Variants in PDE7B observed in about 807,000 individuals in gnomAD.
PDE7B encodes phosphodiesterase 7B, also known as 3',5'-cyclic-AMP phosphodiesterase 7B.
In PDE7B, 29 loss-of-function variants were observed where a neutral mutation model predicts 56.2. The observed-to-expected ratio is 0.52, with a 90% CI of 0.38 to 0.70. The LOEUF (loss-of-function observed/expected upper bound fraction) is 0.70. PDE7B is among the 30% of genes least tolerant of loss of function. The pLI is 0.00. For synonymous variants in PDE7B, 197 were observed against 196.9 expected (o/e 1.00, Z 0.00); for missense variants, 490 against 565.0 (o/e 0.87, Z 1.35).
At position 135,851,884 on chromosome 6, in the gene PDE7B, T is replaced by C; in HGVS notation, c.-115T>C. 1 of 690,826 alleles carries C rather than the reference T, an allele frequency of 1.4e-6. No homozygotes were observed. 42.8% of individuals were successfully genotyped at this position (690,826 alleles called of 1,614,324 possible). Reference sequence around the variant, plus strand: ...TTTTTTTTTTTTTGTTACTTAATTATATTCCTAATCCTGGATGAAGTTGCT... The same window carrying C: ...TTTTTTTTTTTTTGTTACTTAATTACATTCCTAATCCTGGATGAAGTTGCT... On this transcript the variant is annotated 5_prime_UTR_variant, in exon 1 of 13. Transcript: ENST00000308191.
intron 3 of PDE7B, among the ~76,000 whole-genome samples, chr6:136,136,126 G>C (rs1778208582): frequency 6.6e-6 from 1 of 152,104 alleles, no homozygotes; most frequent in Non-Finnish European, 1.5e-5. Context: ...CCCTGAACTA[G>C]TAGAATGTGT....
chr6:136,056,041 G>A (rs374236594), intron 2 of PDE7B, among the ~76,000 whole-genome samples: 6 of 152,278 alleles, frequency 3.9e-5, no homozygotes, highest in Admixed American at 2.6e-4. Flanking sequence ...AAAAGAAGAC[G>A]GGAGCTAGAT....
intron 2 of PDE7B, among the ~76,000 whole-genome samples, chr6:135,978,944 G>C (rs141412789): frequency 1.3e-5 from 2 of 151,874 alleles, no homozygotes; most frequent in African/African-American, 4.9e-5. Flanking sequence ...GAGGGCATCC[G>C]TGTCTTGTGC....
At chr6:136,157,296 C>A (rs557822638) in intron 8 of PDE7B, among the ~76,000 whole-genome samples, 208 of 152,110 alleles carry the variant, frequency 1.4e-3, no homozygotes, top group Non-Finnish European at 2.6e-3. Flanking sequence ...AGAAAGTGAT[C>A]GAGGCCTGGT....
chr6:136,152,126 T>C (rs1778530764), intron 6 of PDE7B, among the ~76,000 whole-genome samples: 1 of 152,090 alleles, frequency 6.6e-6, no homozygotes, highest in African/African-American at 2.4e-5. Flanking sequence ...AGAATCTGAG[T>C]ACAAGTGGAC....
chr6:135,911,260 A>G (rs1776207509), intron 1 of PDE7B, among the ~76,000 whole-genome samples: 1 of 152,100 alleles, frequency 6.6e-6, no homozygotes, highest in Admixed American at 6.5e-5. Flanking sequence ...CTCCACACCC[A>G]CAGCTGTTCA....
At chr6:135,894,612 C>T (rs572012936) in intron 1 of PDE7B, among the ~76,000 whole-genome samples, 13 of 152,178 alleles carry the variant, frequency 8.5e-5, no homozygotes, top group African/African-American at 3.1e-4. Flanking sequence ...CCCACATTCT[C>T]TCCATCCAAG....
chr6:136,168,371 A>C lies in PDE7B; in HGVS notation c.712-5426A>C, dbSNP rs115699685. Among the ~76,000 whole-genome samples, 925 of 152,208 alleles carry C rather than the reference A, an allele frequency of 6.1e-3. 7 individuals carry two copies. The highest frequency in any genetic ancestry group is 0.021 in the African/African-American group (889 of 41,526). On this transcript the variant is annotated intron_variant, in intron 8 of 12. Coordinates refer to ENST00000308191, the MANE Select transcript of PDE7B (RefSeq NM_018945.4). ...ATCCGTTGTGGGGTTTGGAACAGGG[A>C]ACTGGGGCAGGTGGATAGCATGATC...
intron 1 of PDE7B, among the ~76,000 whole-genome samples, chr6:135,923,500 G>A (rs937022628): frequency 6.6e-6 from 1 of 152,106 alleles, no homozygotes; most frequent in Admixed American, 6.6e-5. Flanking sequence ...TAAACAATGG[G>A]AAACTGATGG....
intron 2 of PDE7B, among the ~76,000 whole-genome samples, chr6:136,004,956 C>T (rs1242062534): frequency 1.1e-4 from 17 of 152,166 alleles, no homozygotes; most frequent in Admixed American, 9.2e-4. Flanking sequence ...TCAAACTATA[C>T]TACAAGGCTA....
At chr6:136,088,268 C>G (rs1047767023) in intron 2 of PDE7B, among the ~76,000 whole-genome samples, 1 of 152,024 alleles carries the variant, frequency 6.6e-6, no homozygotes, top group African/African-American at 2.4e-5. Context: ...ATTACTATAC[C>G]GGGGGCGGGC....
At chr6:135,989,159 A>G (rs115577342) in intron 2 of PDE7B, among the ~76,000 whole-genome samples, 2,161 of 152,332 alleles carry the variant, frequency 0.014, 57 homozygotes, top group African/African-American at 0.049. Flanking sequence ...ACAACCTAAA[A>G]GATATCAATT....
chr6:135,887,167 A>C (rs1270169575), intron 1 of PDE7B, among the ~76,000 whole-genome samples: 1 of 152,054 alleles, frequency 6.6e-6, no homozygotes, highest in Admixed American at 6.6e-5. Flanking sequence ...AAATCTGTTG[A>C]GAAATGCCTA....
intron 3 of PDE7B, among the ~76,000 whole-genome samples, chr6:136,124,947 T>C (rs1455671989): frequency 1.3e-5 from 2 of 152,234 alleles, no homozygotes; most frequent in Non-Finnish European, 2.9e-5. Flanking sequence ...TGATATTACA[T>C]ACATATCAAA....
At chr6:136,079,782 T>A (rs1777178610) in intron 2 of PDE7B, among the ~76,000 whole-genome samples, 1 of 145,874 alleles carries the variant, frequency 6.9e-6, no homozygotes, top group Non-Finnish European at 1.5e-5. Flanking sequence ...TCTCAAAGGG[T>A]ATGGCTTCCA....
chr6:135,895,242 T>C (rs986253690), intron 1 of PDE7B, among the ~76,000 whole-genome samples: 2 of 152,178 alleles, frequency 1.3e-5, no homozygotes, highest in Non-Finnish European at 2.9e-5. Context: ...CCATAAGTAA[T>C]TGGGCATCCA....
At chr6:136,024,308 G>A (rs575744867) in intron 2 of PDE7B, among the ~76,000 whole-genome samples, 11 of 152,198 alleles carry the variant, frequency 7.2e-5, no homozygotes, top group African/African-American at 4.8e-5. Context: ...TGAGGTAAAG[G>A]GCCCAGCAGC....
chr6:136,175,305 TA>T (rs1778959639), intron 9 of PDE7B, among the ~76,000 whole-genome samples: 1 of 152,214 alleles, frequency 6.6e-6, no homozygotes, highest in South Asian at 2.1e-4. Context: ...CTATCACAGG[TA>T]AATGCTTTAA....
chr6:136,004,776 GC>G lies in PDE7B; in HGVS notation c.82+57255del, dbSNP rs759269240. Among the ~76,000 whole-genome samples, 22 of 152,230 alleles carry G rather than the reference GC, an allele frequency of 1.4e-4. No individual in the cohort carries two copies. The East Asian group carries it at 4.2e-3, about 29-fold the overall frequency. On this transcript the variant is annotated intron_variant, in intron 2 of 12. Transcript: ENST00000308191. ...TCAATATCGTGAAAATGGCCATACTGCCCAAGGTAATTTATAGATTCAATGC... is the reference window on the plus strand; with the variant it reads ...TCAATATCGTGAAAATGGCCATACTGCCAAGGTAATTTATAGATTCAATGC...
Sources: gnomAD v4.1 joint callset for allele counts (sites outside exome capture counted in the v4.1 genomes callset) on GRCh38, gnomAD v4.1.1 for gene constraint, MANE v1.5 for transcripts, NCBI Gene and HGNC (gene_info 2026-07-23, HGNC 2026-07-21) for gene names.